PMPCB: variants seen among roughly 807,000 people sequenced by gnomAD.
PMPCB encodes the protein peptidase, mitochondrial processing subunit beta.
A neutral mutation model predicts 61.5 loss-of-function variants in PMPCB; 46 were observed. The ratio of observed to expected loss-of-function variants is 0.75; its 90% CI spans 0.59 to 0.96. PMPCB has a LOEUF of 0.96. Among genes scored for constraint, PMPCB ranks in the 40% least tolerant of loss-of-function variants. The probability of loss-of-function intolerance (pLI) is 0.00; values close to 1 mark genes in which losing one functional copy is unlikely to be tolerated. For missense variants in PMPCB, 590 were observed against 602.4 expected (o/e 0.98, Z 0.22); for synonymous variants, 191 against 201.6 (o/e 0.95, Z 0.44).
At chr7:103,303,105 C>T (rs12669855) in intron 4 of PMPCB, among the ~76,000 whole-genome samples, 7,883 of 152,104 alleles carry the variant, frequency 0.052, 286 homozygotes, top group South Asian at 0.14. Context: ...ACACACAATT[C>T]TGTGATTCAT....
chr7:103,343,674 C>T, the PMPCB span, among the ~76,000 whole-genome samples: 573 of 152,264 alleles, frequency 3.8e-3, 4 homozygotes, highest in African/African-American at 0.014. Context: ...CATGTGTATA[C>T]TAGCAATTCA....
the PMPCB span, among the ~76,000 whole-genome samples, chr7:103,342,258 A>T: frequency 2.0e-5 from 3 of 152,194 alleles, no homozygotes; most frequent in African/African-American, 7.2e-5. Flanking sequence ...GAGGAACAGG[A>T]AGAAATGTTG....
intron 12 of PMPCB, chr7:103,320,830 C>CTTT (rs745754898): frequency 5.9e-4 from 67 of 113,784 alleles, no homozygotes; most frequent in East Asian, 2.7e-3. Flanking sequence ...CTCAGCATGT[C>CTTT]TTTTTTTTTT....
chr7:103,330,314 C>T (rs527610370), downstream of PMPCB, among the ~76,000 whole-genome samples: 1 of 151,670 alleles, frequency 6.6e-6, no homozygotes, highest in African/African-American at 2.4e-5. Flanking sequence ...GAGACAGGGT[C>T]TCACTCTGTT....
In PMPCB at chr7:103,311,808, G is replaced by T. The variant is rs758231165; in HGVS notation, c.1241G>T (p.Gly414Val). The T allele has an allele frequency of 1.2e-6, 2 of 1,610,698 alleles. No homozygotes were observed. Among genetic ancestry groups the T allele is most frequent in the Non-Finnish European group, 1.7e-6 (2 of 1,177,254 alleles). The change falls in exon 11 of 13, where the codon GGT becomes GTT. Residue 414 changes from glycine (G) to valine (V), a missense_variant and splice_region_variant. Transcript: ENST00000249269. Reference protein sequence around the residue: ...LKTNMLLQLDGSTPICEDIGR... With the variant: ...LKTNMLLQLDVSTPICEDIGR... Reference sequence around the variant, plus strand: ...TTAATTTTTCCTTCTCTTTAAACAGGTTCAACTCCAATTTGTGAAGATATT... The same window carrying T: ...TTAATTTTTCCTTCTCTTTAAACAGTTTCAACTCCAATTTGTGAAGATATT...
At chr7:103,333,295 A>G (rs1819044997), downstream of PMPCB, among the ~76,000 whole-genome samples, 1 of 152,216 alleles carries the variant, frequency 6.6e-6, no homozygotes, top group African/African-American at 2.4e-5. Context: ...CTCTTTTGAA[A>G]AAAGTAACAG....
chr7:103,327,812 A>G (rs1454132196), intron 12 of PMPCB: 21 of 1,047,058 alleles, frequency 2.0e-5, no homozygotes, highest in Non-Finnish European at 2.9e-5. Context: ...AATAAAGATG[A>G]GCTACATGTA....
rs533714863 is a variant in PMPCB at position 103,300,035 on chromosome 7, A to G, written c.328-143A>G. The G allele has an allele frequency of 2.7e-5, 19 of 699,326 alleles. No individual in the cohort carries two copies. In the South Asian group the frequency reaches 3.6e-4, roughly 13 times the overall value. 43.3% of individuals were successfully genotyped at this position (699,326 alleles called of 1,614,324 possible). A position where few individuals can be genotyped will look rare whatever the true frequency, so the allele number is the denominator to read the frequency against. On this transcript the variant is annotated intron_variant, in intron 3 of 12. Transcript: ENST00000249269. ...AGTGCTGGGGTTACAGGTGTGAGCC[A>G]TCGTACCATACCTGATGTACTTTAG...
downstream of PMPCB, among the ~76,000 whole-genome samples, chr7:103,332,781 G>T (rs1269524783): frequency 6.6e-6 from 1 of 152,084 alleles, no homozygotes; most frequent in Middle Eastern, 3.4e-3. Flanking sequence ...GCACCACTAT[G>T]CCCAGCTAAT....
the PMPCB span, among the ~76,000 whole-genome samples, chr7:103,342,755 C>T: frequency 6.6e-6 from 1 of 151,172 alleles, no homozygotes; most frequent in Non-Finnish European, 1.5e-5. Context: ...ACTACAGGCA[C>T]CCGCCACCAC....
intron 12 of PMPCB, chr7:103,320,727 G>C (rs969819211): frequency 7.0e-6 from 1 of 142,370 alleles, no homozygotes; most frequent in African/African-American, 2.6e-5. Context: ...CTGGGCGACA[G>C]AGCAAGACTC....
chr7:103,341,894 C>T, the PMPCB span: 1 of 1,612,916 alleles, frequency 6.2e-7, no homozygotes, highest in Admixed American at 1.7e-5. Flanking sequence ...ATTTCTGTTT[C>T]TCCTCTTAAC....
chr7:103,321,968 A>G (rs555429309), intron 12 of PMPCB: 2 of 1,613,614 alleles, frequency 1.2e-6, no homozygotes, highest in Admixed American at 3.3e-5. Context: ...TTTCCTTCTT[A>G]ATGGCTTTTT....
At chr7:103,333,751 T>G (rs990081784), downstream of PMPCB, among the ~76,000 whole-genome samples, 1 of 152,222 alleles carries the variant, frequency 6.6e-6, no homozygotes, top group Non-Finnish European at 1.5e-5. Context: ...TAACTTACAG[T>G]ATGCCTATGT....
chr7:103,319,656 G>C (rs1210149857), downstream of PMPCB: 2 of 1,613,988 alleles, frequency 1.2e-6, no homozygotes, highest in Non-Finnish European at 1.7e-6. Flanking sequence ...CATGATGTGA[G>C]TGTTTCATTC....
chr7:103,328,452 A>C (rs1222606729), intron 12 of PMPCB, among the ~76,000 whole-genome samples: 2 of 151,996 alleles, frequency 1.3e-5, no homozygotes, highest in African/African-American at 4.8e-5. Context: ...CCAATATGGC[A>C]AAACCTGGTT....
chr7:103,341,539 C>G, the PMPCB span, among the ~76,000 whole-genome samples: 2 of 152,150 alleles, frequency 1.3e-5, no homozygotes, highest in Non-Finnish European at 2.9e-5. Flanking sequence ...CTTTTAAGAC[C>G]GGTGCAAACA....
downstream of PMPCB, among the ~76,000 whole-genome samples, chr7:103,332,098 G>A (rs559213800): frequency 8.6e-5 from 13 of 151,364 alleles, no homozygotes; most frequent in African/African-American, 2.4e-4. Flanking sequence ...TCTGCCTCTC[G>A]GGTTCATGCC....
intron 1 of PMPCB, 118 bp downstream of exon 1, chr7:103,297,676 A>C: frequency 6.5e-7 from 1 of 1,540,888 alleles, no homozygotes. Context: ...CTCGACCCGG[A>C]CCCGCCGGGC....
Sources: allele counts gnomAD v4.1 joint callset (sites outside exome capture counted in the v4.1 genomes callset), GRCh38; gene constraint gnomAD v4.1.1; transcripts MANE v1.5; gene names NCBI Gene and HGNC (gene_info 2026-07-23, HGNC 2026-07-21).